The following URGCP variants were observed in gnomAD, a reference collection of about 807,000 sequenced individuals.
URGCP encodes the protein up-regulator of cell proliferation.
In URGCP, 13 loss-of-function variants were observed where a neutral mutation model predicts 24.6. The observed-to-expected ratio is 0.53, with a 90% CI of 0.34 to 0.84. The LOEUF is 0.84. URGCP is among the 40% of genes least tolerant of loss of function. The pLI is 0.01. For missense variants in URGCP, 899 were observed against 1,194.3 expected, an observed-to-expected ratio of 0.75 and a Z score of 3.64; for synonymous variants, 444 against 487.2, an observed-to-expected ratio of 0.91 and a Z score of 1.17.
intron 1 of URGCP, among the ~76,000 whole-genome samples, chr7:43,894,136 A>G (rs1353299870): frequency 6.6e-6 from 1 of 152,190 alleles, no homozygotes; most frequent in African/African-American, 2.4e-5. Context: ...TAATAGTTGG[A>G]GAATTCAATA....
At chr7:43,886,569 A>G (rs938171038) in intron 3 of URGCP, among the ~76,000 whole-genome samples, 1 of 152,142 alleles carries the variant, frequency 6.6e-6, no homozygotes, top group Non-Finnish European at 1.5e-5. Context: ...CCTGGCCAAC[A>G]TGGTGAAACT....
chr7:43,879,404 G>T, intron 5 of URGCP, 144 bp from the exon 6 acceptor site: 1 of 977,376 alleles, frequency 1.0e-6, no homozygotes, highest in Non-Finnish European at 1.5e-6. Flanking sequence ...GAGGCTCAGG[G>T]TGTGCTCAAG....
chr7:43,884,848 G>A (rs1016637201), intron 3 of URGCP, among the ~76,000 whole-genome samples: 6 of 152,004 alleles, frequency 3.9e-5, no homozygotes, highest in African/African-American at 1.4e-4. Context: ...GAGCTATGAA[G>A]TAGAATCTTC....
At chr7:43,886,233 T>C (rs556889464) in intron 3 of URGCP, among the ~76,000 whole-genome samples, 2 of 152,206 alleles carry the variant, frequency 1.3e-5, no homozygotes, top group Non-Finnish European at 2.9e-5. Flanking sequence ...AGCGAACCTC[T>C]TGCCTTGGCC....
upstream of URGCP, among the ~76,000 whole-genome samples, chr7:43,909,913 C>T (rs944120884): frequency 1.3e-5 from 2 of 149,036 alleles, no homozygotes; most frequent in African/African-American, 4.9e-5. Flanking sequence ...CGTGGTGGCA[C>T]ATGCCTGTAA....
chr7:43,902,450 G>A (rs778550197), intron 1 of URGCP, among the ~76,000 whole-genome samples: 10 of 152,076 alleles, frequency 6.6e-5, no homozygotes, highest in Non-Finnish European at 1.5e-4. Flanking sequence ...TCCCTTCTAG[G>A]GCAGGTCTTA....
chr7:43,921,641 G>C (rs1416110310), intron 1 of URGCP, among the ~76,000 whole-genome samples: 2 of 152,150 alleles, frequency 1.3e-5, no homozygotes, highest in Admixed American at 6.5e-5. Flanking sequence ...CAAGGGACTC[G>C]GTAAGGCTCT....
At chr7:43,890,392 T>C (rs2132675123) in intron 1 of URGCP, among the ~76,000 whole-genome samples, 1 of 150,844 alleles carries the variant, frequency 6.6e-6, no homozygotes, top group East Asian at 2.0e-4. Flanking sequence ...TTTTTTTGTA[T>C]TTTTTAGTAG....
At chr7:43,912,890 G>T (rs998268464) in intron 1 of URGCP, among the ~76,000 whole-genome samples, 1 of 150,770 alleles carries the variant, frequency 6.6e-6, no homozygotes, top group African/African-American at 2.4e-5. Flanking sequence ...TCACTCTGTT[G>T]CCCAGGCTGG....
chr7:43,909,321 C>T (rs556018227), upstream of URGCP, among the ~76,000 whole-genome samples: 79 of 152,286 alleles, frequency 5.2e-4, 2 homozygotes, highest in African/African-American at 1.9e-3. Flanking sequence ...AACATATACA[C>T]ACATATATAC....
At chr7:43,891,615 G>A (rs758197274) in intron 1 of URGCP, among the ~76,000 whole-genome samples, 8 of 152,046 alleles carry the variant, frequency 5.3e-5, no homozygotes, top group Admixed American at 2.6e-4. Context: ...AAAACAGCAC[G>A]AACACCATCC....
intron 1 of URGCP, chr7:43,919,839 C>T: frequency 7.9e-7 from 1 of 1,272,564 alleles, no homozygotes. Context: ...GATGGCCAAC[C>T]ACACCAGCAT....
intron 1 of URGCP, among the ~76,000 whole-genome samples, chr7:43,899,375 C>T (rs1160829480): frequency 1.3e-5 from 2 of 150,486 alleles, no homozygotes; most frequent in East Asian, 1.9e-4. Flanking sequence ...TGCCTCAGCC[C>T]CCCAAAATGC....
At chr7:43,925,765 G>C (rs529906480) in intron 1 of URGCP, among the ~76,000 whole-genome samples, 1 of 147,626 alleles carries the variant, frequency 6.8e-6, no homozygotes, top group East Asian at 2.0e-4. Flanking sequence ...CTCCCAAAGT[G>C]CTGGGATTAT....
In URGCP at chr7:43,893,384, T is replaced by A. The variant is rs576416681; in HGVS notation, c.15-5568A>T. ...ATAAAATGAAAAAATTAGCTGGGCA[T>A]GGTGCATGCACCTGTAGTCCCAGCT... On this transcript the variant is annotated intron_variant, in intron 1 of 5. Transcript: ENST00000453200. Among the ~76,000 whole-genome samples, 78 of 152,318 alleles carry A rather than the reference T, an allele frequency of 5.1e-4. 3 individuals carry two copies. In the South Asian group the frequency reaches 0.016, roughly 31 times the overall value.
At chr7:43,921,678 T>C (rs182972170) in intron 1 of URGCP, among the ~76,000 whole-genome samples, 417 of 152,350 alleles carry the variant, frequency 2.7e-3, no homozygotes, top group Non-Finnish European at 4.9e-3. Context: ...TCATTAATCA[T>C]ATAATCTCAG....
rs1286653936 is a variant in URGCP at position 43,878,759 on chromosome 7, A to G, written c.704T>C (p.Ile235Thr). The change falls in exon 6 of 6, where the codon ATT (isoleucine) becomes ACT (threonine). Residue 235 changes from isoleucine (I) to threonine (T), a missense_variant. Ile to Thr is a moderately conservative substitution (Grantham distance 89). Coordinates refer to ENST00000453200, the MANE Select transcript of URGCP (RefSeq NM_001077663.3). The surrounding 1 kb of genome is among the most constrained non-coding windows in gnomAD (Gnocchi z 5.6). The part of the protein sequence containing the change: ...HTFLLWAMRG[I>T]VRTWWSQPPR... ...GGGCTGGGACCACCATGTCCTCACA[A>G]TGCCCCGCATGGCCCACAGCAGAAA... 6.2e-7 allele frequency: 1 copy of G among 1,614,082 alleles called. No homozygotes were observed. Among genetic ancestry groups the G allele is most frequent in the Admixed American group, 1.7e-5 (1 of 59,998 alleles).
chr7:43,902,274 G>A (rs150515104), intron 1 of URGCP, among the ~76,000 whole-genome samples: 5 of 152,192 alleles, frequency 3.3e-5, no homozygotes, highest in East Asian at 1.9e-4. Context: ...TGGGTTTGTC[G>A]TCCAGTGATG....
chr7:43,905,450 G>A (rs2095899532), intron 1 of URGCP, among the ~76,000 whole-genome samples: 1 of 152,164 alleles, frequency 6.6e-6, no homozygotes, highest in Admixed American at 6.5e-5. Flanking sequence ...CTGCCCCAAA[G>A]CCTAGAAAGA....
Sources: gnomAD v4.1 joint callset for allele counts (sites outside exome capture counted in the v4.1 genomes callset) on GRCh38, gnomAD v4.1.1 for gene constraint, Gnocchi (gnomAD v3.1) non-coding constraint, MANE v1.5 for transcripts, NCBI Gene and HGNC (gene_info 2026-07-23, HGNC 2026-07-21) for gene names.